Variants in IGSF11 observed in about 807,000 individuals in gnomAD.
The protein encoded by IGSF11 is CXADR like 1.
A neutral mutation model predicts 41.0 loss-of-function variants in IGSF11; 22 were observed. That is an observed-to-expected ratio of 0.54 (90% CI 0.38 to 0.77). The LOEUF is 0.77. IGSF11 is among the 30% of genes least tolerant of loss of function. The probability of loss-of-function intolerance (pLI) is 0.00; values close to 1 mark genes in which losing one functional copy is unlikely to be tolerated. For missense variants in IGSF11, 444 were observed against 530.8 expected (o/e 0.84, Z 1.61); for synonymous variants, 219 against 201.3 (o/e 1.09, Z -0.74).
At chr3:118,975,301 A>G (rs529310645) in intron 1 of IGSF11, among the ~76,000 whole-genome samples, 18 of 151,780 alleles carry the variant, frequency 1.2e-4, no homozygotes, top group Admixed American at 7.9e-4. Flanking sequence ...CCTTAAAAAA[A>G]TTTACTCATT....
intron 1 of IGSF11, among the ~76,000 whole-genome samples, chr3:119,032,213 T>A (rs978253417): frequency 3.3e-5 from 5 of 152,192 alleles, no homozygotes; most frequent in Admixed American, 2.0e-4. Context: ...TTACCTAGCA[T>A]CCATTTCCCT....
intron 1 of IGSF11, among the ~76,000 whole-genome samples, chr3:118,983,819 A>G (rs955592522): frequency 2.6e-5 from 4 of 152,198 alleles, no homozygotes; most frequent in Non-Finnish European, 5.9e-5. Context: ...TCCATAAATC[A>G]CAGGGGTAAA....
intron 1 of IGSF11, among the ~76,000 whole-genome samples, chr3:118,938,416 C>T (rs2107551474): frequency 6.6e-6 from 1 of 152,304 alleles, no homozygotes; most frequent in East Asian, 1.9e-4. Flanking sequence ...CACGATATAA[C>T]CCACTTTACT....
intron 1 of IGSF11, among the ~76,000 whole-genome samples, chr3:119,079,316 C>T (rs965106866): frequency 4.0e-5 from 6 of 151,670 alleles, no homozygotes; most frequent in Admixed American, 1.3e-4. Flanking sequence ...GCTGAAATCA[C>T]GCCATTGCAC....
chr3:119,090,686 A>G (rs1349821474), intron 1 of IGSF11, among the ~76,000 whole-genome samples: 2 of 152,234 alleles, frequency 1.3e-5, no homozygotes, highest in African/African-American at 2.4e-5. Context: ...AGCCATATGC[A>G]GAAGATTAAA....
At chr3:119,091,473 G>A (rs1166405909) in intron 1 of IGSF11, among the ~76,000 whole-genome samples, 3 of 152,190 alleles carry the variant, frequency 2.0e-5, no homozygotes, top group Non-Finnish European at 4.4e-5. Context: ...ATCTATGGTA[G>A]ATTGGATTAA....
chr3:118,984,020 T>C (rs1304888245), intron 1 of IGSF11, among the ~76,000 whole-genome samples: 1 of 152,026 alleles, frequency 6.6e-6, no homozygotes, highest in Non-Finnish European at 1.5e-5. Context: ...CAAACCTTCC[T>C]AGGGGGTTCA....
intron 1 of IGSF11, among the ~76,000 whole-genome samples, chr3:119,117,622 G>A (rs772619301): frequency 2.6e-5 from 4 of 152,034 alleles, no homozygotes; most frequent in Non-Finnish European, 4.4e-5. Flanking sequence ...CTCCAAAATC[G>A]CATGTCCAGA....
intron 1 of IGSF11, among the ~76,000 whole-genome samples, chr3:119,046,613 G>T (rs1467454915): frequency 2.0e-5 from 3 of 151,888 alleles, no homozygotes; most frequent in Non-Finnish European, 4.4e-5. Context: ...AGCAAGGCAG[G>T]CCAACATTCA....
At chr3:118,942,738 T>C (rs1007099964) in intron 1 of IGSF11, among the ~76,000 whole-genome samples, 1 of 152,222 alleles carries the variant, frequency 6.6e-6, no homozygotes, top group African/African-American at 2.4e-5. Flanking sequence ...TCTAAGCCTA[T>C]CTTTGTCAAG....
chr3:119,046,738 CAG>C (rs1941371719), intron 1 of IGSF11, among the ~76,000 whole-genome samples: 1 of 152,054 alleles, frequency 6.6e-6, no homozygotes, highest in Admixed American at 6.6e-5. Context: ...TAAGGGCAGC[CAG>C]AGAGAGAAAG....
chr3:118,937,962 C>T (rs919749637), intron 1 of IGSF11, among the ~76,000 whole-genome samples: 1 of 152,060 alleles, frequency 6.6e-6, no homozygotes, highest in Non-Finnish European at 1.5e-5. Context: ...TGAACTAATG[C>T]ACACTCTTTA....
In IGSF11 at chr3:119,105,152, GAA is replaced by G. The variant is rs1252799570; in HGVS notation, c.39_40del (p.Ser14Ter). On this transcript the variant is annotated frameshift_variant, in exon 1 of 7. Coordinates refer to the IGSF11 transcript ENST00000354673. LOFTEE classifies it high-confidence loss of function. ...AATGTCAAGTCACTAACCAGTTCTA[GAA>G]AAGCAGTTCCACCAGAGCAAAAGTT... 1 of 1,606,580 alleles carries G rather than the reference GAA, an allele frequency of 6.2e-7. No individual in the cohort carries two copies. The highest frequency in any genetic ancestry group is 8.5e-7 in the Non-Finnish European group (1 of 1,173,652).
chr3:119,056,817 C>T (rs999370778), intron 1 of IGSF11, among the ~76,000 whole-genome samples: 20 of 152,168 alleles, frequency 1.3e-4, no homozygotes, highest in African/African-American at 2.9e-4. Context: ...GCTGGTTCAA[C>T]ATATGCAAAT....
chr3:119,067,341 C>T (rs1174770136), intron 1 of IGSF11, among the ~76,000 whole-genome samples: 1 of 143,868 alleles, frequency 7.0e-6, no homozygotes, highest in African/African-American at 2.8e-5. Context: ...TCTGGAGATC[C>T]TGGTGAGCTT....
intron 1 of IGSF11, among the ~76,000 whole-genome samples, chr3:119,069,556 A>T (rs1576759652): frequency 6.6e-6 from 1 of 152,214 alleles, no homozygotes; most frequent in Admixed American, 6.5e-5. Context: ...AAAACCCATG[A>T]TACCCTCCAC....
intron 1 of IGSF11, among the ~76,000 whole-genome samples, chr3:119,111,322 T>C (rs986974417): frequency 2.6e-5 from 4 of 152,216 alleles, no homozygotes; most frequent in African/African-American, 9.6e-5. Context: ...ACTTCCCTTC[T>C]TGCTTCATTT....
intron 1 of IGSF11, among the ~76,000 whole-genome samples, chr3:118,993,110 C>A (rs191982209): frequency 6.6e-6 from 1 of 152,244 alleles, no homozygotes; most frequent in Non-Finnish European, 1.5e-5. Flanking sequence ...CCTGTAGTCC[C>A]AGCTACTCAC....
chr3:119,086,442 TC>T (rs2076674494), intron 1 of IGSF11, among the ~76,000 whole-genome samples: 1 of 151,656 alleles, frequency 6.6e-6, no homozygotes, highest in Non-Finnish European at 1.5e-5. Flanking sequence ...GTCATCAGAT[TC>T]AGCAAGGTCA....
Sources: allele counts gnomAD v4.1 joint callset (sites outside exome capture counted in the v4.1 genomes callset), GRCh38; gene constraint gnomAD v4.1.1; transcripts MANE v1.5; gene names NCBI Gene and HGNC (gene_info 2026-07-23, HGNC 2026-07-21).